The following SUPT3H variants were observed in gnomAD, a reference collection of about 807,000 sequenced individuals.
The protein encoded by SUPT3H is transcription initiation protein SPT3 homolog.
A neutral mutation model predicts 44.3 loss-of-function variants in SUPT3H; 44 were observed. That is an observed-to-expected ratio of 0.99 (90% confidence interval 0.78 to 1.28). The LOEUF is 1.28. SUPT3H is among the 50% of genes most tolerant of loss of function. SUPT3H has a pLI of 0.00. For synonymous variants in SUPT3H, 124 were observed against 125.6 expected, an observed-to-expected ratio of 0.99 and a Z score of 0.09; for missense variants, 380 against 387.1, an observed-to-expected ratio of 0.98 and a Z score of 0.15.
chr6:44,957,195 G>A (rs1473744027), intron 7 of SUPT3H, among the ~76,000 whole-genome samples: 1 of 152,110 alleles, frequency 6.6e-6, no homozygotes, highest in Non-Finnish European at 1.5e-5. Context: ...GTAACTCAAA[G>A]CATGATATTT....
intron 2 of SUPT3H, among the ~76,000 whole-genome samples, chr6:45,158,300 T>A (rs10948207): frequency 0.035 from 2,190 of 63,166 alleles, 122 homozygotes; most frequent in Middle Eastern, 0.07. Flanking sequence ...ATATATATAT[T>A]TTTTTTTTTT....
chr6:44,814,082 C>T (rs1489930803), intron 11 of SUPT3H, among the ~76,000 whole-genome samples: 1 of 152,104 alleles, frequency 6.6e-6, no homozygotes, highest in Non-Finnish European at 1.5e-5. Context: ...TCAAAAGCAT[C>T]CAGAGAAAAG....
chr6:45,003,933 T>C (rs528674941), intron 5 of SUPT3H, 141 bp from the exon 6 acceptor site: 2 of 951,752 alleles, frequency 2.1e-6, no homozygotes, highest in South Asian at 1.7e-5. Context: ...ATTCTTGCAT[T>C]CAAAATAAAA....
intron 2 of SUPT3H, among the ~76,000 whole-genome samples, chr6:45,128,523 AAAAAAAAAAAAT>A (rs1282834080): frequency 1.2e-4 from 7 of 57,800 alleles, no homozygotes; most frequent in South Asian, 6.3e-4. Flanking sequence ...AAAAAAAAAA[AAAAAAAAAAAAT>A]ATATATATAT....
At chr6:45,321,565 G>GT (rs1785504489) in intron 2 of SUPT3H, among the ~76,000 whole-genome samples, 1 of 152,056 alleles carries the variant, frequency 6.6e-6, no homozygotes, top group African/African-American at 2.4e-5. Context: ...ATATTCCATA[G>GT]TATCGTCGCA....
chr6:45,014,500 C>G (rs1475174981), intron 5 of SUPT3H, among the ~76,000 whole-genome samples: 1 of 152,072 alleles, frequency 6.6e-6, no homozygotes, highest in Non-Finnish European at 1.5e-5. Context: ...GATTGGAATT[C>G]CGGTCTGTTT....
intron 2 of SUPT3H, among the ~76,000 whole-genome samples, chr6:45,308,225 G>T (rs1179952043): frequency 2.6e-5 from 4 of 152,082 alleles, no homozygotes; most frequent in Non-Finnish European, 4.4e-5. Context: ...AGGCCAACAT[G>T]CAAAATCAGG....
intron 3 of SUPT3H, among the ~76,000 whole-genome samples, chr6:45,029,402 GTA>G (rs200130596): frequency 6.7e-6 from 1 of 149,848 alleles, no homozygotes. Flanking sequence ...TATTGCATGT[GTA>G]TATATATATA....
chr6:45,158,298 ATTTT>A (rs56882164), intron 2 of SUPT3H, among the ~76,000 whole-genome samples: 1,529 of 99,668 alleles, frequency 0.015, 57 homozygotes, highest in Non-Finnish European at 0.02. Flanking sequence ...ATATATATAT[ATTTT>A]TTTTTTTTTT....
At chr6:45,332,497 CT>C (rs1387825751) in intron 2 of SUPT3H, among the ~76,000 whole-genome samples, 2 of 151,804 alleles carry the variant, frequency 1.3e-5, no homozygotes, top group East Asian at 3.9e-4. Flanking sequence ...TCTCAAATCC[CT>C]CTCCAAAGCA....
At chr6:45,029,821 G>A (rs1786637829) in intron 3 of SUPT3H, among the ~76,000 whole-genome samples, 1 of 152,154 alleles carries the variant, frequency 6.6e-6, no homozygotes, top group African/African-American at 2.4e-5. Context: ...CTGGAGTGCT[G>A]TGGCACTACC....
intron 6 of SUPT3H, among the ~76,000 whole-genome samples, chr6:45,002,094 A>G (rs1199981416): frequency 2.6e-5 from 4 of 152,022 alleles, no homozygotes; most frequent in African/African-American, 9.7e-5. Context: ...ACATATGAAG[A>G]TTTTCACTGT....
chr6:44,866,429 G>GTT (rs1775513553), intron 10 of SUPT3H, among the ~76,000 whole-genome samples: 1 of 151,644 alleles, frequency 6.6e-6, no homozygotes, highest in African/African-American at 2.4e-5. Flanking sequence ...GGACAGCCTA[G>GTT]GTAATATGTT....
At chr6:45,139,079 C>A (rs1469073472) in intron 2 of SUPT3H, among the ~76,000 whole-genome samples, 2 of 152,122 alleles carry the variant, frequency 1.3e-5, no homozygotes, top group South Asian at 2.1e-4. Context: ...AGTCTACCCC[C>A]CTTTTAAGTC....
chr6:45,372,848 T>G (rs1364789101), intron 1 of SUPT3H, among the ~76,000 whole-genome samples: 1 of 151,980 alleles, frequency 6.6e-6, no homozygotes, highest in African/African-American at 2.4e-5. Context: ...GATGGAGTTT[T>G]GCTCTGTCAC....
chr6:44,960,854 C>T (rs1279558495), intron 7 of SUPT3H, among the ~76,000 whole-genome samples: 1 of 152,024 alleles, frequency 6.6e-6, no homozygotes, highest in Non-Finnish European at 1.5e-5. Flanking sequence ...ATTTTACTGA[C>T]ATTTACATGG....
intron 3 of SUPT3H, among the ~76,000 whole-genome samples, chr6:45,048,874 G>C (rs1472791098): frequency 6.6e-6 from 1 of 152,102 alleles, no homozygotes. Flanking sequence ...ATGGTTACCA[G>C]GAGCTGAGGG....
intron 2 of SUPT3H, among the ~76,000 whole-genome samples, chr6:45,175,235 A>C (rs2153608740): frequency 6.6e-6 from 1 of 152,248 alleles, no homozygotes; most frequent in African/African-American, 2.4e-5. Context: ...CTGCTGTATT[A>C]GTCCGTTCTC....
intron 3 of SUPT3H, among the ~76,000 whole-genome samples, chr6:45,025,216 A>C (rs1037190482): frequency 6.6e-6 from 1 of 152,214 alleles, no homozygotes; most frequent in African/African-American, 2.4e-5. Flanking sequence ...ACGAGCTTTA[A>C]AATAATTTTC....
Sources: gnomAD v4.1 joint callset for allele counts (sites outside exome capture counted in the v4.1 genomes callset) on GRCh38, gnomAD v4.1.1 for gene constraint, MANE v1.5 for transcripts, NCBI Gene and HGNC (gene_info 2026-07-23, HGNC 2026-07-21) for gene names.